The following PDCD2 variants were observed in gnomAD, a reference collection of about 807,000 sequenced individuals.
PDCD2 encodes uS5 assembly chaperone PDCD2.
In PDCD2, 38 loss-of-function variants were observed where a neutral mutation model predicts 38.1. That is an observed-to-expected ratio of 1.00 (90% CI 0.77 to 1.31). PDCD2 has a LOEUF of 1.31. Among genes scored for constraint, PDCD2 ranks in the 50% most tolerant of loss-of-function variants. The pLI, the probability that PDCD2 is intolerant of heterozygous loss-of-function variation, is 0.00. For synonymous variants in PDCD2, 205 were observed against 168.9 expected, an observed-to-expected ratio of 1.21 and a Z score of -1.66; for missense variants, 473 against 435.7, an observed-to-expected ratio of 1.09 and a Z score of -0.76.
chr6:170,584,282 C>A lies in PDCD2; in HGVS notation c.283+17G>T. ...GTCGGAGGCATGGCCCCGTCCCGAC[C>A]CCGTTTGGCGGCTCACCTCGCAGGC... On this transcript the variant is annotated intron_variant, in intron 1 of 5. Coordinates refer to ENST00000541970, the MANE Select transcript of PDCD2 (RefSeq NM_002598.4). 3 of 1,409,744 alleles carry A rather than the reference C, an allele frequency of 2.1e-6. No homozygotes were observed. Among genetic ancestry groups the A allele is most frequent in the South Asian group, 1.6e-5 (1 of 62,296 alleles). The allele number at this position is 1,409,744 out of a possible 1,614,324, so 87.3% of individuals were successfully genotyped here.
chr6:170,581,321 T>C (rs1203532299), intron 3 of PDCD2: 2 of 152,158 alleles, frequency 1.3e-5, no homozygotes, highest in African/African-American at 2.4e-5. Flanking sequence ...TATTTACCAA[T>C]TTGAAAATGA....
intron 4 of PDCD2, chr6:170,579,274 G>GGCT: frequency 3.7e-6 from 1 of 272,408 alleles, no homozygotes; most frequent in Non-Finnish European, 6.8e-6. Flanking sequence ...GACTAAGAAT[G>GGCT]AGCCTCTGCT....
chr6:170,583,797 C>T lies in PDCD2; in HGVS notation c.284-50G>A, dbSNP rs1223014036. The T allele has an allele frequency of 2.8e-6, 4 of 1,418,956 alleles. No homozygotes were observed. The South Asian group carries it at 4.9e-5, about 17-fold the overall frequency. 87.9% of individuals were successfully genotyped at this position (1,418,956 alleles called of 1,614,324 possible). On this transcript the variant is annotated intron_variant, in intron 1 of 5. Transcript: ENST00000541970. ...TTTATCTTCAAACAAAACAGCAATT[C>T]ACATATTTTATCCTCTGCACGTAAA...
At chr6:170,583,457 G>A (rs756515118) in intron 2 of PDCD2, 48 bp downstream of exon 2, 2 of 1,563,940 alleles carry the variant, frequency 1.3e-6, no homozygotes, top group Non-Finnish European at 1.7e-6. Context: ...TATCTGGGTT[G>A]ACAAAGGCGA....
chr6:170,583,307 A>T, intron 2 of PDCD2, 119 bp from the exon 3 acceptor site: 1 of 919,340 alleles, frequency 1.1e-6, no homozygotes, highest in Non-Finnish European at 1.6e-6. Context: ...AAGGGTCATA[A>T]ATTAAATGCC....
intron 5 of PDCD2, among the ~76,000 whole-genome samples, chr6:170,578,025 A>G (rs151215888): frequency 6.6e-6 from 1 of 152,326 alleles, no homozygotes; most frequent in East Asian, 1.9e-4. Context: ...TTTACTTTGT[A>G]TCATTGCAGA....
chr6:170,578,789 T>C, intron 5 of PDCD2, 68 bp downstream of exon 5: 1 of 992,308 alleles, frequency 1.0e-6, no homozygotes, highest in Non-Finnish European at 1.6e-6. Context: ...ATTACCTTGG[T>C]GAAGTTTTTA....
chr6:170,583,417 C>A, intron 2 of PDCD2, 88 bp downstream of exon 2: 1 of 1,448,466 alleles, frequency 6.9e-7, no homozygotes, highest in Non-Finnish European at 9.3e-7. Flanking sequence ...TATACCTTTC[C>A]TAATTTTACC....
At chr6:170,578,180 G>A (rs1779496595) in intron 5 of PDCD2, among the ~76,000 whole-genome samples, 1 of 152,146 alleles carries the variant, frequency 6.6e-6, no homozygotes, top group South Asian at 2.1e-4. Context: ...ACCTGATATG[G>A]AATCACTTTA....
chr6:170,577,428 A>T lies in PDCD2; in HGVS notation c.*131T>A. 1.3e-6 allele frequency: 1 copy of T among 748,246 alleles called. No individual in the cohort carries two copies. The highest frequency in any genetic ancestry group is 2.1e-6 in the Non-Finnish European group (1 of 467,820). 46.4% of individuals were successfully genotyped at this position (748,246 alleles called of 1,614,324 possible). Reference sequence around the variant, plus strand: ...ACTTTTGTTTCACTAATAAGTAGACACTGTGTAAGCAATCTGTCAACATCT... The same window carrying T: ...ACTTTTGTTTCACTAATAAGTAGACTCTGTGTAAGCAATCTGTCAACATCT... On this transcript the variant is annotated 3_prime_UTR_variant, in exon 6 of 6. Coordinates refer to ENST00000541970, the MANE Select transcript of PDCD2 (RefSeq NM_002598.4).
chr6:170,582,739 G>A (rs1779651951), intron 3 of PDCD2: 8 of 1,264,952 alleles, frequency 6.3e-6, no homozygotes, highest in Non-Finnish European at 1.0e-6. Context: ...CACTGTGCTA[G>A]GCACTCACAC....
chr6:170,584,602 G>T lies in PDCD2; in HGVS notation c.-21C>A, dbSNP rs760052977. On this transcript the variant is annotated 5_prime_UTR_variant, in exon 1 of 6. Coordinates refer to ENST00000541970, the MANE Select transcript of PDCD2 (RefSeq NM_002598.4). Reference sequence around the variant, plus strand: ...GCCATGCGGGGCGCGGGCTGGCGTGGGGCGCAGCCCACAGCTGGGTCGGAA... The same window carrying T: ...GCCATGCGGGGCGCGGGCTGGCGTGTGGCGCAGCCCACAGCTGGGTCGGAA... The T allele has an allele frequency of 2.1e-5, 26 of 1,237,996 alleles. No individual in the cohort carries two copies. Among genetic ancestry groups the T allele is most frequent in the Admixed American group, 8.6e-5 (2 of 23,372 alleles). 76.7% of individuals were successfully genotyped at this position (1,237,996 alleles called of 1,614,324 possible).
chr6:170,583,416 C>A, intron 2 of PDCD2, 89 bp downstream of exon 2: 3 of 1,421,452 alleles, frequency 2.1e-6, no homozygotes, highest in Non-Finnish European at 2.8e-6. Flanking sequence ...CTATACCTTT[C>A]CTAATTTTAC....
intron 3 of PDCD2, chr6:170,582,176 A>C (rs1779627775): frequency 6.6e-7 from 1 of 1,510,414 alleles, no homozygotes; most frequent in Non-Finnish European, 8.9e-7. Flanking sequence ...ATCAGTCATT[A>C]TATGGACTTT....
intron 1 of PDCD2, 95 bp from the exon 2 acceptor site, chr6:170,583,842 A>C: frequency 1.0e-6 from 1 of 982,164 alleles, no homozygotes; most frequent in Non-Finnish European, 1.5e-6. Flanking sequence ...AACAACAACA[A>C]AAAAGAAATG....
At chr6:170,578,085 A>G (rs1779493390) in intron 5 of PDCD2, among the ~76,000 whole-genome samples, 1 of 152,238 alleles carries the variant, frequency 6.6e-6, no homozygotes, top group Non-Finnish European at 1.5e-5. Flanking sequence ...ATGAATACAG[A>G]AAGGACATCT....
rs1010507995 is a variant in PDCD2, at chr6:170,576,911, A to G, written c.*648T>C. 1 of 152,228 alleles carries G rather than the reference A, an allele frequency of 6.6e-6. No homozygotes were observed. Among genetic ancestry groups the G allele is most frequent in the Non-Finnish European group, 1.5e-5 (1 of 68,072 alleles). 9.4% of individuals were successfully genotyped at this position (152,228 alleles called of 1,614,324 possible). A position where few individuals can be genotyped will look rare whatever the true frequency, so the allele number is the denominator to read the frequency against. ...GCCACTGTTGTTCCTCATCCTGCCAACTGTGATACTGCTGCTTCAGAATTA... is the reference window on the plus strand; with the variant it reads ...GCCACTGTTGTTCCTCATCCTGCCAGCTGTGATACTGCTGCTTCAGAATTA... On this transcript the variant is annotated 3_prime_UTR_variant, in exon 6 of 6. Coordinates refer to ENST00000541970, the MANE Select transcript of PDCD2 (RefSeq NM_002598.4).
Position 170,583,650 on chromosome 6 carries a change from C to G in PDCD2, c.381G>C (p.Gln127His). The G allele has an allele frequency of 6.2e-7, 1 of 1,614,116 alleles. No individual in the cohort carries two copies. The highest frequency in any genetic ancestry group is 1.6e-4 in the Middle Eastern group (1 of 6,062). ...PPETGESVCL[Q>H]LKSGAHLCRV... ...TGCAGAGATGAGCACCAGACTTAAG[C>G]TGGAGACACACTGATTCTCCTGTTT... Residue 127 changes from glutamine to histidine, a missense_variant, in exon 2 of 6, where the codon CAG (glutamine) becomes CAC (histidine). Coordinates refer to ENST00000541970, the MANE Select transcript of PDCD2 (RefSeq NM_002598.4).
In PDCD2 at chr6:170,579,185, G is replaced by A. The variant is rs1388397674; in HGVS notation, c.763-215C>T. ...ATTATTTCAGTTTATCTGACTCAGA[G>A]GGCATCAAAATATATCTCCCAGATG... On this transcript the variant is annotated intron_variant, in intron 4 of 5. Transcript: ENST00000541970. 7.8e-6 allele frequency: 4 copies of A among 514,448 alleles called. No homozygotes were observed. The Admixed American group carries it at 1.2e-4, about 15-fold the overall frequency. The allele number at this position is 514,448 out of a possible 1,614,324, so 31.9% of individuals were successfully genotyped here. A position where few individuals can be genotyped will look rare whatever the true frequency, so the allele number is the denominator to read the frequency against.
Sources: gnomAD v4.1 joint callset for allele counts (sites outside exome capture counted in the v4.1 genomes callset) on GRCh38, gnomAD v4.1.1 for gene constraint, MANE v1.5 for transcripts, NCBI Gene and HGNC (gene_info 2026-07-23, HGNC 2026-07-21) for gene names.